TRRAP: variants seen among roughly 807,000 people sequenced by gnomAD.
TRRAP encodes transformation/transcription domain associated protein, also known as transformation/transcription domain-associated protein.
In TRRAP, 41 loss-of-function variants were observed where a neutral mutation model predicts 438.8. The ratio of observed to expected loss-of-function variants is 0.09; its 90% CI spans 0.07 to 0.12. The LOEUF (loss-of-function observed/expected upper bound fraction) is 0.12. Ranked by LOEUF, TRRAP falls within the 10% of genes least tolerant of loss-of-function variation. The pLI is 1.00. For missense variants in TRRAP, 3,122 were observed against 5,055.1 expected, an observed-to-expected ratio of 0.62 and a Z score of 11.60; for synonymous variants, 1,994 against 1,962.9, an observed-to-expected ratio of 1.02 and a Z score of -0.42.
At chr7:98,891,693 A>C (rs1180999143) in intron 4 of TRRAP, among the ~76,000 whole-genome samples, 2 of 150,194 alleles carry the variant, frequency 1.3e-5, no homozygotes, top group East Asian at 4.0e-4. Context: ...CTGCCACCAC[A>C]CCCAGCTAAT....
chr7:98,930,261 T>C (rs1277260231), intron 24 of TRRAP, 55 bp downstream of exon 24: 14 of 1,584,800 alleles, frequency 8.8e-6, no homozygotes, highest in Admixed American at 8.6e-5. Flanking sequence ...TACCTGAGAG[T>C]GGTCCTTCTA....
intron 61 of TRRAP, 27 bp from the exon 62 acceptor site, chr7:98,984,915 CTT>C: frequency 6.6e-7 from 1 of 1,512,076 alleles, no homozygotes; most frequent in African/African-American, 1.4e-5. Context: ...ATTTCAAGAA[CTT>C]TTTTTCTGCT....
At chr7:99,001,606 T>C (rs745631157) in intron 67 of TRRAP, among the ~76,000 whole-genome samples, 6 of 152,222 alleles carry the variant, frequency 3.9e-5, no homozygotes, top group Admixed American at 6.5e-5. Flanking sequence ...CATCTCAAAG[T>C]GCAGTGGGTC....
intron 39 of TRRAP, 52 bp downstream of exon 39, chr7:98,951,056 C>G (rs782182835): frequency 1.5e-6 from 1 of 671,218 alleles, no homozygotes; most frequent in Admixed American, 4.0e-5. Flanking sequence ...TGTGGATGAA[C>G]ATCTGTGTGT....
At chr7:98,929,452 GATAC>G (rs1298818699) in intron 23 of TRRAP, among the ~76,000 whole-genome samples, 1 of 152,198 alleles carries the variant, frequency 6.6e-6, no homozygotes, top group Non-Finnish European at 1.5e-5. Context: ...TTATGATTGA[GATAC>G]ATGAAAATAA....
At position 99,011,618 on chromosome 7, in the gene TRRAP, A is replaced by T. The variant is rs1794430793; in HGVS notation, c.11337+83A>T. On this transcript the variant is annotated intron_variant, in intron 72 of 72. Transcript: ENST00000456197. The surrounding 1 kb of genome is among the most constrained non-coding windows in gnomAD (Gnocchi z 7.1). ...CGTCACGGCCTTGCAGGAGCTGCTG[A>T]TGTGCCTCACGGGCTCTGCGCTCTC... The T allele has an allele frequency of 2.9e-5, 43 of 1,496,456 alleles. No individual in the cohort carries two copies. The East Asian group carries it at 9.9e-4, about 34-fold the overall frequency. The allele number at this position is 1,496,456 out of a possible 1,614,324, so 92.7% of individuals were successfully genotyped here.
At chr7:98,882,183 A>G (rs1380237291) in intron 3 of TRRAP, among the ~76,000 whole-genome samples, 159 bp downstream of exon 3, 1 of 152,190 alleles carries the variant, frequency 6.6e-6, no homozygotes, top group Non-Finnish European at 1.5e-5. Context: ...CTTTGTACAC[A>G]GCGTTTTCCA....
chr7:98,927,838 C>T (rs766653751), intron 23 of TRRAP, among the ~76,000 whole-genome samples: 175 of 152,206 alleles, frequency 1.1e-3, no homozygotes, highest in Middle Eastern at 3.4e-3. Flanking sequence ...CTGCCTGGAA[C>T]GGCTGCTCAC....
chr7:98,972,934 C>T (rs554864218), intron 53 of TRRAP, among the ~76,000 whole-genome samples: 1 of 152,142 alleles, frequency 6.6e-6, no homozygotes, highest in Non-Finnish European at 1.5e-5. Flanking sequence ...CAGCCTGATA[C>T]ATGTGAGTGA....
At chr7:98,988,665 A>G (rs994098664) in intron 62 of TRRAP, 100 bp from the exon 63 acceptor site, 12 of 1,384,766 alleles carry the variant, frequency 8.7e-6, no homozygotes, top group African/African-American at 8.6e-5. Context: ...GAATGGACCA[A>G]ATGCCCCGCA....
intron 63 of TRRAP, 87 bp downstream of exon 63, chr7:98,989,053 G>A (rs1793275405): frequency 1.4e-6 from 2 of 1,409,392 alleles, no homozygotes; most frequent in Non-Finnish European, 9.7e-7. Flanking sequence ...ACTCATCCGT[G>A]CCGGGTGTGA....
Position 98,906,160 on chromosome 7 carries a change from G to A in TRRAP, c.1037-17G>A. ...TGGTTTTGTTAGTGATCTGTGCAAT[G>A]GATGTTTGTCTTCTAGAGTTCATTC... is the stretch of plus-strand genomic sequence containing the variant. On this transcript the variant is annotated splice_polypyrimidine_tract_variant and intron_variant, in intron 12 of 72. Transcript: ENST00000456197. The A allele has an allele frequency of 6.2e-7, 1 of 1,611,930 alleles. No individual in the cohort carries two copies. Among genetic ancestry groups the A allele is most frequent in the Non-Finnish European group, 8.5e-7 (1 of 1,178,280 alleles).
intron 49 of TRRAP, 89 bp from the exon 50 acceptor site, chr7:98,966,952 T>C: frequency 7.2e-7 from 1 of 1,396,302 alleles, no homozygotes; most frequent in Non-Finnish European, 9.8e-7. Flanking sequence ...CTTGTCTTAT[T>C]GTGCTTGATA....
rs1651870503 is a variant in TRRAP, at chr7:98,967,167, T to G, written c.7298+5T>G. ...TCTTGTTAACTATGTCTACAGGTAA[T>G]TACAGCAATTAATCAAGTACTACAT... On this transcript the variant is annotated splice_donor_5th_base_variant and intron_variant, in intron 50 of 72. Transcript: ENST00000456197. 5 of 1,612,284 alleles carry G rather than the reference T, an allele frequency of 3.1e-6. No individual in the cohort carries two copies. Among genetic ancestry groups the G allele is most frequent in the Non-Finnish European group, 4.2e-6 (5 of 1,179,368 alleles).
At chr7:98,950,811 C>G in intron 38 of TRRAP, 65 bp from the exon 39 acceptor site, 2 of 1,459,366 alleles carry the variant, frequency 1.4e-6, no homozygotes, top group Non-Finnish European at 1.8e-6. Flanking sequence ...AGCTGTTCTT[C>G]CCGTCTTAAG....
chr7:98,968,573 C>G (rs1476316722), intron 51 of TRRAP, among the ~76,000 whole-genome samples: 1 of 152,232 alleles, frequency 6.6e-6, no homozygotes, highest in Non-Finnish European at 1.5e-5. Flanking sequence ...GCTCACTCAT[C>G]AGCTTGAGTT....
chr7:98,937,644 T>A lies in TRRAP; in HGVS notation c.4234-6T>A. ...ATTTTTCTTTACAACTTTTCTTTTT[T>A]AATAGTTTTTAGAAGGTGCTACCAT... On this transcript the variant is annotated splice_region_variant and splice_polypyrimidine_tract_variant and intron_variant, in intron 29 of 72. Transcript: ENST00000456197. The A allele has an allele frequency of 6.3e-7, 1 of 1,593,226 alleles. No homozygotes were observed. Among genetic ancestry groups the A allele is most frequent in the Non-Finnish European group, 8.5e-7 (1 of 1,172,818 alleles).
At chr7:98,920,965 C>T (rs1188173238) in intron 20 of TRRAP, among the ~76,000 whole-genome samples, 1 of 152,050 alleles carries the variant, frequency 6.6e-6, no homozygotes, top group Admixed American at 6.6e-5. Flanking sequence ...TCAGCCTCCC[C>T]AGTAGCTGGG....
intron 67 of TRRAP, chr7:98,999,212 C>T (rs1793805818): frequency 2.2e-6 from 3 of 1,338,998 alleles, no homozygotes; most frequent in East Asian, 4.6e-5. Flanking sequence ...TTGCAGTACA[C>T]AGGCTTCACT....
Sources: allele counts gnomAD v4.1 joint callset (sites outside exome capture counted in the v4.1 genomes callset), GRCh38; gene constraint gnomAD v4.1.1; non-coding constraint Gnocchi (gnomAD v3.1); transcripts MANE v1.5; gene names NCBI Gene and HGNC (gene_info 2026-07-23, HGNC 2026-07-21).